Variants in KCNIP4 observed in about 807,000 individuals in gnomAD.
KCNIP4 encodes Kv channel-interacting protein 4.
Under a neutral mutation model 34.0 loss-of-function variants are expected in KCNIP4, and 12 were observed. The observed-to-expected ratio is 0.35, with a 90% CI of 0.23 to 0.57. The LOEUF is 0.57. Ranked by LOEUF, KCNIP4 falls within the 20% of genes least tolerant of loss-of-function variation. The pLI is 0.83. For missense variants in KCNIP4, 238 were observed against 311.7 expected (o/e 0.76, Z 1.78); for synonymous variants, 124 against 102.2 (o/e 1.21, Z -1.29).
chr4:21,431,174 A>G (rs920503173), intron 1 of KCNIP4, among the ~76,000 whole-genome samples: 1 of 152,084 alleles, frequency 6.6e-6, no homozygotes, highest in Non-Finnish European at 1.5e-5. Flanking sequence ...TAAATTTAAA[A>G]AAAAAGGAAA....
intron 1 of KCNIP4, among the ~76,000 whole-genome samples, chr4:21,376,368 G>A (rs547792638): frequency 1.2e-4 from 18 of 148,846 alleles, no homozygotes; most frequent in African/African-American, 4.2e-4. Context: ...CTGGATCCGA[G>A]ATTTGGATGC....
chr4:21,837,695 G>A (rs1208641627), intron 1 of KCNIP4, among the ~76,000 whole-genome samples: 1 of 38,636 alleles, frequency 2.6e-5, no homozygotes, highest in Non-Finnish European at 7.0e-5. Flanking sequence ...TTTCATTATT[G>A]TAAGTCCATG....
At chr4:21,844,195 T>C (rs1162646339) in intron 1 of KCNIP4, 2 of 151,922 alleles carry the variant, frequency 1.3e-5, no homozygotes, top group East Asian at 3.9e-4. Flanking sequence ...CACAAGCAAT[T>C]AGAATAGAAA....
At chr4:21,298,721 T>C (rs1341270667) in intron 1 of KCNIP4, among the ~76,000 whole-genome samples, 1 of 152,206 alleles carries the variant, frequency 6.6e-6, no homozygotes, top group Non-Finnish European at 1.5e-5. Context: ...AGAGTTTGTT[T>C]AATTTATAAC....
At chr4:21,914,562 T>C (rs907945694) in intron 1 of KCNIP4, among the ~76,000 whole-genome samples, 4 of 152,144 alleles carry the variant, frequency 2.6e-5, no homozygotes, top group African/African-American at 7.2e-5. Context: ...TTTGCTGGTT[T>C]ATCCCTTCTC....
At chr4:21,906,130 T>C (rs1215788398) in intron 1 of KCNIP4, among the ~76,000 whole-genome samples, 1 of 152,218 alleles carries the variant, frequency 6.6e-6, no homozygotes, top group Non-Finnish European at 1.5e-5. Flanking sequence ...AGAAACTATA[T>C]GACCCACAAA....
chr4:20,862,662 C>T (rs1553907878), intron 2 of KCNIP4, among the ~76,000 whole-genome samples: 2 of 152,090 alleles, frequency 1.3e-5, no homozygotes, highest in Non-Finnish European at 2.9e-5. Context: ...ACAAGACACA[C>T]ATATGTGTAT....
intron 1 of KCNIP4, among the ~76,000 whole-genome samples, chr4:21,590,944 C>A (rs1382821642): frequency 6.6e-6 from 1 of 151,946 alleles, no homozygotes; most frequent in East Asian, 1.9e-4. Flanking sequence ...CAGTGCAGAA[C>A]CACTACGTCT....
intron 1 of KCNIP4, among the ~76,000 whole-genome samples, chr4:21,391,280 T>C (rs1354999827): frequency 6.6e-6 from 1 of 152,174 alleles, no homozygotes; most frequent in African/African-American, 2.4e-5. Flanking sequence ...AAAATAGTAT[T>C]GTAATTTCCA....
chr4:21,737,408 T>C (rs1222333968), intron 1 of KCNIP4, among the ~76,000 whole-genome samples: 1 of 152,122 alleles, frequency 6.6e-6, no homozygotes, highest in Non-Finnish European at 1.5e-5. Context: ...GGACATTCAA[T>C]GAAAAGGCAA....
chr4:21,872,256 T>C (rs1266719499), intron 1 of KCNIP4, among the ~76,000 whole-genome samples: 2 of 152,120 alleles, frequency 1.3e-5, no homozygotes, highest in African/African-American at 4.8e-5. Flanking sequence ...CCCACCTACC[T>C]TCTTTCTCAC....
intron 1 of KCNIP4, among the ~76,000 whole-genome samples, chr4:21,175,309 A>T (rs1368585593): frequency 6.6e-6 from 1 of 152,186 alleles, no homozygotes; most frequent in African/African-American, 2.4e-5. Context: ...CAAATGGCCT[A>T]ATCACATTGA....
At chr4:21,742,746 G>T (rs1344756267) in intron 1 of KCNIP4, among the ~76,000 whole-genome samples, 1 of 152,086 alleles carries the variant, frequency 6.6e-6, no homozygotes, top group East Asian at 1.9e-4. Flanking sequence ...AGATGAGGAG[G>T]TAAGTTATAT....
Position 21,373,538 on chromosome 4 carries a change from G to A in KCNIP4, c.62-490829C>T, listed in dbSNP as rs530772863. Among the ~76,000 whole-genome samples, 184 of 146,708 alleles carry A rather than the reference G, an allele frequency of 1.3e-3. 32 individuals carry two copies. The highest frequency in any genetic ancestry group is 4.9e-3 in the African/African-American group (180 of 36,528). ...GCAGTTGGGGTTTCCTTTGGGAACC[G>A]ATTCCATTTCATATTGTCATGTTAT... On this transcript the variant is annotated intron_variant, in intron 1 of 8. Transcript: ENST00000382152.
chr4:21,043,840 A>C (rs1742177430), intron 1 of KCNIP4, among the ~76,000 whole-genome samples: 1 of 152,206 alleles, frequency 6.6e-6, no homozygotes, highest in Non-Finnish European at 1.5e-5. Context: ...GAAGCATGAA[A>C]GAGGAAACTT....
At chr4:21,208,532 C>T (rs1402219256) in intron 1 of KCNIP4, among the ~76,000 whole-genome samples, 1 of 152,222 alleles carries the variant, frequency 6.6e-6, no homozygotes, top group Non-Finnish European at 1.5e-5. Context: ...CTTTCTGCCA[C>T]ATGGTCATAC....
intron 1 of KCNIP4, among the ~76,000 whole-genome samples, chr4:21,800,337 C>T (rs973423482): frequency 6.6e-6 from 1 of 152,144 alleles, no homozygotes; most frequent in East Asian, 1.9e-4. Context: ...TGCTATAATT[C>T]ATTGTTTTAC....
At chr4:21,860,505 C>T in intron 1 of KCNIP4, among the ~76,000 whole-genome samples, 1 of 149,488 alleles carries the variant, frequency 6.7e-6, no homozygotes, top group Non-Finnish European at 1.5e-5. Flanking sequence ...AATGTTATGA[C>T]TTTTTTCCCA....
chr4:21,780,853 G>A (rs1319253566), intron 1 of KCNIP4, among the ~76,000 whole-genome samples: 1 of 152,142 alleles, frequency 6.6e-6, no homozygotes, highest in Non-Finnish European at 1.5e-5. Flanking sequence ...GAAGCTGCTA[G>A]GGGAGAATCC....
Sources: allele counts gnomAD v4.1 joint callset (sites outside exome capture counted in the v4.1 genomes callset), GRCh38; gene constraint gnomAD v4.1.1; transcripts MANE v1.5; gene names NCBI Gene and HGNC (gene_info 2026-07-23, HGNC 2026-07-21).